IGF1R: variants seen among roughly 807,000 people sequenced by gnomAD.
The protein encoded by IGF1R is insulin like growth factor 1 receptor, also known as insulin-like growth factor 1 receptor.
A neutral mutation model predicts 144.6 loss-of-function variants in IGF1R; 44 were observed. The ratio of observed to expected loss-of-function variants is 0.30; its 90% CI spans 0.24 to 0.39. The LOEUF is 0.39. Among genes scored for constraint, IGF1R ranks in the 10% least tolerant of loss-of-function variants. The pLI is 1.00. For missense variants in IGF1R, 1,355 were observed against 1,833.7 expected, an observed-to-expected ratio of 0.74 and a Z score of 4.77; for synonymous variants, 795 against 722.8, an observed-to-expected ratio of 1.10 and a Z score of -1.60.
chr15:98,945,282 C>T (rs1056786622), intron 19 of IGF1R, among the ~76,000 whole-genome samples: 1 of 152,210 alleles, frequency 6.6e-6, no homozygotes, highest in African/African-American at 2.4e-5. Context: ...TGACTAATTA[C>T]CATCTGTGGG....
chr15:98,899,653 C>G (rs1176239759), intron 5 of IGF1R, 32 bp downstream of exon 5: 1 of 1,608,152 alleles, frequency 6.2e-7, no homozygotes, highest in South Asian at 1.1e-5. Context: ...AGCTGACGTT[C>G]TATTACAAAA....
chr15:98,671,773 C>T (rs1449506700), intron 1 of IGF1R, among the ~76,000 whole-genome samples: 1 of 152,014 alleles, frequency 6.6e-6, no homozygotes, highest in East Asian at 1.9e-4. Flanking sequence ...TAAAAGTGGC[C>T]ATTGAAAGAA....
intron 2 of IGF1R, among the ~76,000 whole-genome samples, chr15:98,741,192 C>G (rs1232467363): frequency 6.7e-6 from 1 of 148,640 alleles, no homozygotes; most frequent in Non-Finnish European, 1.5e-5. Context: ...TAAGCTGTCT[C>G]CATTGCAGTT....
At chr15:98,839,569 A>T (rs773912279) in intron 2 of IGF1R, among the ~76,000 whole-genome samples, 5 of 152,378 alleles carry the variant, frequency 3.3e-5, no homozygotes, top group Middle Eastern at 3.4e-3. Context: ...ATATTCAGCG[A>T]GACAGCCTTT....
intron 2 of IGF1R, among the ~76,000 whole-genome samples, chr15:98,755,058 A>G (rs996392795): frequency 6.6e-6 from 1 of 152,256 alleles, no homozygotes; most frequent in Non-Finnish European, 1.5e-5. Context: ...ATGCTAGTGT[A>G]AAATAAAAGA....
intron 2 of IGF1R, among the ~76,000 whole-genome samples, chr15:98,788,048 CT>C: frequency 1.4e-5 from 2 of 139,562 alleles, no homozygotes; most frequent in Middle Eastern, 3.5e-3. Flanking sequence ...CTCTCTCTCT[CT>C]CTCTCTCTCT....
intron 20 of IGF1R, among the ~76,000 whole-genome samples, chr15:98,950,595 A>G (rs951120583): frequency 5.3e-5 from 8 of 152,330 alleles, no homozygotes; most frequent in African/African-American, 1.7e-4. Flanking sequence ...AGGCCCTCTC[A>G]TAACAGCAGC....
At chr15:98,914,372 A>T (rs762665608) in intron 8 of IGF1R, among the ~76,000 whole-genome samples, 2 of 152,348 alleles carry the variant, frequency 1.3e-5, no homozygotes, top group South Asian at 2.1e-4. Context: ...AAGCGAGCAC[A>T]AAATCAGTTT....
chr15:98,787,514 T>C (rs1273829595), intron 2 of IGF1R, among the ~76,000 whole-genome samples: 1 of 152,150 alleles, frequency 6.6e-6, no homozygotes, highest in Non-Finnish European at 1.5e-5. Context: ...CCCCCCACCT[T>C]TGCTATCAAG....
At chr15:98,656,050 A>G (rs2052477510) in intron 1 of IGF1R, among the ~76,000 whole-genome samples, 1 of 152,222 alleles carries the variant, frequency 6.6e-6, no homozygotes, top group Non-Finnish European at 1.5e-5. Context: ...CACAACAGAA[A>G]GTAGTTTCTT....
At chr15:98,807,315 T>TG (rs1333469952) in intron 2 of IGF1R, among the ~76,000 whole-genome samples, 2 of 152,370 alleles carry the variant, frequency 1.3e-5, no homozygotes, top group Middle Eastern at 6.8e-3. Flanking sequence ...CGTGTACATG[T>TG]GGGACACGTT....
chr15:98,888,845 A>G (rs1290489800), intron 2 of IGF1R, among the ~76,000 whole-genome samples: 1 of 152,276 alleles, frequency 6.6e-6, no homozygotes, highest in Non-Finnish European at 1.5e-5. Flanking sequence ...TAAGCAGTCC[A>G]GGGTTAGCCT....
chr15:98,841,647 T>C (rs894071678), intron 2 of IGF1R, among the ~76,000 whole-genome samples: 11 of 152,242 alleles, frequency 7.2e-5, no homozygotes, highest in African/African-American at 2.7e-4. Context: ...GCAAATACTC[T>C]GCATGTTGAG....
intron 1 of IGF1R, among the ~76,000 whole-genome samples, chr15:98,676,312 A>G (rs1305686859): frequency 6.6e-6 from 1 of 151,534 alleles, no homozygotes; most frequent in Admixed American, 6.6e-5. Context: ...TAATTTTTGT[A>G]TTTTTAGTAG....
chr15:98,890,318 A>G (rs1404299974), intron 2 of IGF1R: 3 of 152,252 alleles, frequency 2.0e-5, no homozygotes, highest in Non-Finnish European at 4.4e-5. Context: ...TAGCAGATGC[A>G]GTTAAAGAAG....
chr15:98,709,895 C>G (rs990133979), intron 2 of IGF1R, among the ~76,000 whole-genome samples: 9 of 152,060 alleles, frequency 5.9e-5, no homozygotes, highest in African/African-American at 2.2e-4. Context: ...TTGGTCTTGC[C>G]ATAGGTTTTT....
At chr15:98,762,303 G>A (rs1291126047) in intron 2 of IGF1R, among the ~76,000 whole-genome samples, 3 of 143,294 alleles carry the variant, frequency 2.1e-5, no homozygotes, top group Non-Finnish European at 4.5e-5. Flanking sequence ...ACTGGCACGC[G>A]CATAGCCCAT....
chr15:98,896,623 T>C lies in IGF1R; in HGVS notation c.954-134T>C, dbSNP rs70958402. 5.0e-5 allele frequency: 46 copies of C among 911,730 alleles called. No homozygotes were observed. In the East Asian group the frequency reaches 1.2e-3, roughly 24 times the overall value. The allele number at this position is 911,730 out of a possible 1,614,324, so 56.5% of individuals were successfully genotyped here. On this transcript the variant is annotated intron_variant, in intron 3 of 20. Transcript: ENST00000650285. ...GGGGGTGAGATACCATGTGACCACA[T>C]GAACACTTCAAAACAGTTGCTTTTT...
At position 98,891,233 on chromosome 15, in the gene IGF1R, C is replaced by T. The variant is rs1162469282; in HGVS notation, c.641-92C>T. On this transcript the variant is annotated intron_variant, in intron 2 of 20. Transcript: ENST00000650285. The surrounding 1 kb of genome is among the most constrained non-coding windows in gnomAD (Gnocchi z 4.7). ...ATGAGTGATCTGGTGCTGGTGGTAG[C>T]AGTGAATGACCCAGAAGGATGCTGG... is the stretch of plus-strand genomic sequence containing the variant. 3.5e-6 allele frequency: 4 copies of T among 1,136,706 alleles called. No homozygotes were observed. In the East Asian group the frequency reaches 1.0e-4, roughly 28 times the overall value. The allele number at this position is 1,136,706 out of a possible 1,614,324, so 70.4% of individuals were successfully genotyped here.
Sources: allele counts gnomAD v4.1 joint callset (sites outside exome capture counted in the v4.1 genomes callset), GRCh38; gene constraint gnomAD v4.1.1; non-coding constraint Gnocchi (gnomAD v3.1); transcripts MANE v1.5; gene names NCBI Gene and HGNC (gene_info 2026-07-23, HGNC 2026-07-21).